The following RPN1 variants were observed in gnomAD, a reference collection of about 807,000 sequenced individuals.
RPN1 encodes the protein ribophorin I, also known as dolichyl-diphosphooligosaccharide--protein glycosyltransferase subunit 1.
In RPN1, 12 loss-of-function variants were observed where a neutral mutation model predicts 55.5. The ratio of observed to expected loss-of-function variants is 0.22; its 90% confidence interval spans 0.14 to 0.35. RPN1 has a LOEUF of 0.35. RPN1 is among the 10% of genes least tolerant of loss of function. The probability of loss-of-function intolerance (pLI) is 1.00; values close to 1 mark genes in which losing one functional copy is unlikely to be tolerated. For missense variants in RPN1, 679 were observed against 761.3 expected, an observed-to-expected ratio of 0.89 and a Z score of 1.27; for synonymous variants, 317 against 305.9, an observed-to-expected ratio of 1.04 and a Z score of -0.38.
chr3:128,645,507 T>C (rs1332235173), intron 1 of RPN1, among the ~76,000 whole-genome samples: 2 of 150,290 alleles, frequency 1.3e-5, no homozygotes, highest in Non-Finnish European at 3.0e-5. Context: ...TATAAATGCG[T>C]AACATTTTCC....
chr3:128,626,920 A>C, intron 5 of RPN1, 88 bp from the exon 6 acceptor site: 1 of 1,239,984 alleles, frequency 8.1e-7, no homozygotes, highest in Non-Finnish European at 1.2e-6. Context: ...ACATAAAGAC[A>C]GAGCAAGTAG....
At position 128,648,229 on chromosome 3, in the gene RPN1, C is replaced by A. The variant is rs555971111; in HGVS notation, c.261+2311G>T. ...CAACATGCGTGAAACCCTGTCTCTA[C>A]AAAAAAAATACAACAATTAGCTGGG... On this transcript the variant is annotated intron_variant, in intron 1 of 9. Transcript: ENST00000296255. 1.8e-3 allele frequency among the ~76,000 whole-genome samples: 279 copies of A among 151,818 alleles called. 1 individual carries two copies. The highest frequency in any genetic ancestry group is 3.4e-3 in the Middle Eastern group (1 of 294).
At chr3:128,637,143 T>TGGGAGGATGGACTGAGCC (rs1255717026) in intron 3 of RPN1, among the ~76,000 whole-genome samples, 1 of 151,938 alleles carries the variant, frequency 6.6e-6, no homozygotes, top group Non-Finnish European at 1.5e-5. Context: ...GAGGCTGAGC[T>TGGGAGGATGGACTGAGCC]GGGAGGATGG....
intron 4 of RPN1, among the ~76,000 whole-genome samples, chr3:128,631,228 C>T (rs1181115217): frequency 6.6e-6 from 1 of 152,078 alleles, no homozygotes; most frequent in African/African-American, 2.4e-5. Flanking sequence ...AATCCCAGCA[C>T]TTTGGGAGGC....
chr3:128,634,712 G>A (rs879442080), intron 3 of RPN1, among the ~76,000 whole-genome samples: 4 of 151,866 alleles, frequency 2.6e-5, no homozygotes, highest in Admixed American at 6.6e-5. Context: ...ACAGGTGCAC[G>A]CCAGCATGCT....
chr3:128,624,541 C>A (rs1212583439), intron 8 of RPN1, among the ~76,000 whole-genome samples: 1 of 151,784 alleles, frequency 6.6e-6, no homozygotes, highest in African/African-American at 2.4e-5. Context: ...CCACACAGTT[C>A]GGCTGGATCA....
intron 3 of RPN1, among the ~76,000 whole-genome samples, chr3:128,633,970 G>A (rs982913860): frequency 5.9e-5 from 9 of 151,954 alleles, no homozygotes; most frequent in African/African-American, 1.7e-4. Flanking sequence ...GCAACAGAGC[G>A]AGACTGTCTC....
intron 3 of RPN1, among the ~76,000 whole-genome samples, chr3:128,636,217 T>C (rs2069681192): frequency 1.3e-5 from 2 of 152,090 alleles, no homozygotes; most frequent in African/African-American, 4.8e-5. Context: ...TCACAGCACT[T>C]TGGGAGGCCG....
intron 9 of RPN1, among the ~76,000 whole-genome samples, chr3:128,621,423 G>A (rs1314464713): frequency 6.6e-6 from 1 of 152,192 alleles, no homozygotes; most frequent in Admixed American, 6.5e-5. Flanking sequence ...TGAGCCTGGA[G>A]GTGGGGCTTG....
At chr3:128,623,583 C>T (rs2069576132) in intron 8 of RPN1, among the ~76,000 whole-genome samples, 1 of 151,672 alleles carries the variant, frequency 6.6e-6, no homozygotes, top group Non-Finnish European at 1.5e-5. Context: ...ATGGTATGCT[C>T]CTGTAGTCCC....
At chr3:128,627,548 A>G (rs2069608425) in intron 5 of RPN1, among the ~76,000 whole-genome samples, 1 of 152,194 alleles carries the variant, frequency 6.6e-6, no homozygotes, top group African/African-American at 2.4e-5. Context: ...AGGCAGGCAG[A>G]TCACCTGAGG....
intron 8 of RPN1, among the ~76,000 whole-genome samples, chr3:128,623,384 G>C (rs143670062): frequency 4.0e-5 from 6 of 151,728 alleles, no homozygotes; most frequent in Non-Finnish European, 8.8e-5. Flanking sequence ...TAAAAATACA[G>C]AAAATTAGCC....
At chr3:128,625,393 C>G in intron 8 of RPN1, 141 bp downstream of exon 8, 1 of 1,315,946 alleles carries the variant, frequency 7.6e-7, no homozygotes, top group South Asian at 1.3e-5. Context: ...AAACAAAGTA[C>G]CCTTCCGGCA....
chr3:128,643,429 T>A (rs2069743040), intron 2 of RPN1, among the ~76,000 whole-genome samples: 2 of 151,468 alleles, frequency 1.3e-5, no homozygotes, highest in Admixed American at 6.6e-5. Context: ...TTTGGAAGGC[T>A]GAGGCAGGCA....
At chr3:128,646,131 G>A (rs2069765836) in intron 1 of RPN1, among the ~76,000 whole-genome samples, 1 of 148,436 alleles carries the variant, frequency 6.7e-6, no homozygotes, top group South Asian at 2.1e-4. Flanking sequence ...GCTGAGGCAG[G>A]AGAATTTCGT....
chr3:128,650,017 G>A (rs535083548), intron 1 of RPN1, among the ~76,000 whole-genome samples: 4 of 152,142 alleles, frequency 2.6e-5, no homozygotes, highest in Non-Finnish European at 2.9e-5. Flanking sequence ...CACCTACAAC[G>A]GACCAGATAC....
rs750296401 is a variant in RPN1, at chr3:128,650,739, G to A, written c.62C>T (p.Pro21Leu). Residue 21 changes from proline (P) to leucine (L), a missense_variant, in exon 1 of 10, where the codon CCG becomes CTG. Around this residue, in one of 3 missense-constraint regions of RPN1, gnomAD observed 352 missense variants for 352.8 expected, o/e 1.00. Transcript: ENST00000296255. The part of the protein sequence containing the change: ...LLLLGTWAPA[P>L]GSASSEAPPL... ...CGGTGCCTCGGAGGAGGCGCTGCCCGGCGCCGGGGCCCAAGTCCCAAGCAA... is the reference window on the plus strand; with the variant it reads ...CGGTGCCTCGGAGGAGGCGCTGCCCAGCGCCGGGGCCCAAGTCCCAAGCAA... 11 of 1,553,726 alleles carry A rather than the reference G, an allele frequency of 7.1e-6. No homozygotes were observed. In the African/African-American group the frequency reaches 1.2e-4, roughly 17 times the overall value.
At chr3:128,633,212 G>A (rs979729903) in intron 3 of RPN1, among the ~76,000 whole-genome samples, 9 of 151,412 alleles carry the variant, frequency 5.9e-5, no homozygotes, top group African/African-American at 2.2e-4. Context: ...ACAGCAAGAG[G>A]TTTTTCTTTT....
chr3:128,646,481 T>A lies in RPN1; in HGVS notation c.262-1498A>T, dbSNP rs572941412. Among the ~76,000 whole-genome samples the A allele has an allele frequency of 2.3e-3, 343 of 151,152 alleles. 4 individuals carry two copies. Among genetic ancestry groups the A allele is most frequent in the African/African-American group, 8.0e-3 (328 of 41,140 alleles). ...GGTGCGGATCACCTGAGGTCAGGAG[T>A]TCGAGACCAGCCTGGCCAATATAGT... On this transcript the variant is annotated intron_variant, in intron 1 of 9. Coordinates refer to ENST00000296255, the MANE Select transcript of RPN1 (RefSeq NM_002950.4).
Sources: gnomAD v4.1 joint callset for allele counts (sites outside exome capture counted in the v4.1 genomes callset) on GRCh38, gnomAD v4.1.1 for gene constraint, gnomAD v4.1.1 regional missense constraint, MANE v1.5 for transcripts, NCBI Gene and HGNC (gene_info 2026-07-23, HGNC 2026-07-21) for gene names.